TSPAN15: variants seen among roughly 807,000 people sequenced by gnomAD.
TSPAN15 encodes tetraspanin-15.
TSPAN15 carries 20 observed loss-of-function variants against 34.5 expected under a neutral mutation model. The ratio of observed to expected loss-of-function variants is 0.58; its 90% confidence interval spans 0.41 to 0.84. The LOEUF is 0.84. Ranked by LOEUF, TSPAN15 falls within the 40% of genes least tolerant of loss-of-function variation. The pLI is 0.00. For synonymous variants in TSPAN15, 155 were observed against 153.9 expected (o/e 1.01, Z -0.05); for missense variants, 313 against 386.1 (o/e 0.81, Z 1.59).
At chr10:69,473,045 T>C (rs1008624459) in intron 1 of TSPAN15, among the ~76,000 whole-genome samples, 1 of 152,240 alleles carries the variant, frequency 6.6e-6, no homozygotes, top group Non-Finnish European at 1.5e-5. Flanking sequence ...TAGTTAATAC[T>C]CTCAATATCA....
At chr10:69,476,489 C>T (rs896560703) in intron 1 of TSPAN15, among the ~76,000 whole-genome samples, 5 of 150,312 alleles carry the variant, frequency 3.3e-5, no homozygotes, top group African/African-American at 9.8e-5. Flanking sequence ...CTCAGGAGAT[C>T]GAGGCTGCAG....
At chr10:69,542,269 T>G in the TSPAN15 span, among the ~76,000 whole-genome samples, 1 of 152,172 alleles carries the variant, frequency 6.6e-6, no homozygotes, top group African/African-American at 2.4e-5. Context: ...CAGCCTGGAC[T>G]TCATTGTCCA....
At chr10:69,530,806 CTCTCTCTCTCTCTCTATA>C in the TSPAN15 span, among the ~76,000 whole-genome samples, 30 of 69,046 alleles carry the variant, frequency 4.3e-4, no homozygotes, top group Non-Finnish European at 6.2e-4. Flanking sequence ...CTCTCTCTCT[CTCTCTCTCTCTCTCTATA>C]TATATATATA....
intron 3 of TSPAN15, among the ~76,000 whole-genome samples, chr10:69,493,435 C>T (rs1004233040): frequency 6.6e-6 from 1 of 150,524 alleles, no homozygotes; most frequent in African/African-American, 2.5e-5. Flanking sequence ...GACTTTCCTT[C>T]TGGCCACGAA....
chr10:69,521,501 G>A, the TSPAN15 span, among the ~76,000 whole-genome samples: 1 of 147,788 alleles, frequency 6.8e-6, no homozygotes, highest in East Asian at 2.5e-4. Flanking sequence ...ACAAAAATTA[G>A]CCAGGCGTGG....
Position 69,499,762 on chromosome 10 carries a change from C to T in TSPAN15, c.570+1366C>T, listed in dbSNP as rs570965302. Among the ~76,000 whole-genome samples, 4 of 152,178 alleles carry T rather than the reference C, an allele frequency of 2.6e-5. No individual in the cohort carries two copies. The South Asian group carries it at 6.2e-4, about 24-fold the overall frequency. ...TTGCAGTTTGGGATACTGAGAAAGGCGGGATCTGGGTGAAGCTCTGAAGAA... is the reference window on the plus strand; with the variant it reads ...TTGCAGTTTGGGATACTGAGAAAGGTGGGATCTGGGTGAAGCTCTGAAGAA... On this transcript the variant is annotated intron_variant, in intron 5 of 7. Transcript: ENST00000373290.
chr10:69,468,415 CGAGA>C (rs1200989521), intron 1 of TSPAN15, among the ~76,000 whole-genome samples: 5 of 151,592 alleles, frequency 3.3e-5, no homozygotes, highest in Non-Finnish European at 7.4e-5. Context: ...GGGGTAGGGC[CGAGA>C]GAGCTCCCTT....
At chr10:69,487,909 G>A (rs1166271062) in intron 3 of TSPAN15, among the ~76,000 whole-genome samples, 2 of 152,204 alleles carry the variant, frequency 1.3e-5, no homozygotes, top group African/African-American at 4.8e-5. Flanking sequence ...TCCCCTCATG[G>A]GTAGGGCCTT....
intron 6 of TSPAN15, among the ~76,000 whole-genome samples, chr10:69,504,851 T>C (rs1419423194): frequency 2.0e-5 from 3 of 152,166 alleles, no homozygotes; most frequent in Non-Finnish European, 4.4e-5. Context: ...TAGAGGATGG[T>C]AACCCCCTCT....
At position 69,507,581 on chromosome 10, in the gene TSPAN15, C is replaced by A. The variant is rs1194125669; in HGVS notation, c.*603C>A. ...AACAGGAGTTTCTGACTAATCAAAG[C>A]TGGTATTTCCCCGCATGTCTTATTC... On this transcript the variant is annotated 3_prime_UTR_variant, in exon 8 of 8. Transcript: ENST00000373290. 1 of 1,303,440 alleles carries A rather than the reference C, an allele frequency of 7.7e-7. No individual in the cohort carries two copies. The highest frequency in any genetic ancestry group is 1.0e-6 in the Non-Finnish European group (1 of 988,880). 80.7% of individuals were successfully genotyped at this position (1,303,440 alleles called of 1,614,324 possible).
chr10:69,526,904 A>G, the TSPAN15 span, among the ~76,000 whole-genome samples: 2 of 147,850 alleles, frequency 1.4e-5, no homozygotes, highest in Non-Finnish European at 3.0e-5. Flanking sequence ...CACTCTGAAA[A>G]ACAGTCTGGC....
chr10:69,468,364 A>G (rs10998804), intron 1 of TSPAN15, among the ~76,000 whole-genome samples: 58,415 of 151,814 alleles, frequency 0.38, 11,894 homozygotes, highest in Non-Finnish European at 0.45. Flanking sequence ...TGTGTAGGGC[A>G]GTGGCTCTTT....
At chr10:69,483,082 G>C (rs1174387180) in intron 1 of TSPAN15, among the ~76,000 whole-genome samples, 2 of 152,060 alleles carry the variant, frequency 1.3e-5, no homozygotes, top group Non-Finnish European at 1.5e-5. Context: ...TCCACCTCCT[G>C]GGTTCACGCC....
chr10:69,539,404 G>T, the TSPAN15 span, among the ~76,000 whole-genome samples: 15 of 128,018 alleles, frequency 1.2e-4, 1 homozygote, highest in Middle Eastern at 3.9e-3. Context: ...GGAAGAAGAG[G>T]AAGAGGAAGA....
At chr10:69,465,847 C>T (rs1841372867) in intron 1 of TSPAN15, among the ~76,000 whole-genome samples, 1 of 129,200 alleles carries the variant, frequency 7.7e-6, no homozygotes, top group African/African-American at 2.7e-5. Context: ...GGCATGAGGG[C>T]ATCTCTGATC....
chr10:69,488,349 G>A (rs1256500149), intron 3 of TSPAN15, among the ~76,000 whole-genome samples: 3 of 152,160 alleles, frequency 2.0e-5, no homozygotes, highest in East Asian at 3.9e-4. Context: ...AAGGTGAGGA[G>A]CAATCAAGGT....
At chr10:69,539,259 GA>G in the TSPAN15 span, among the ~76,000 whole-genome samples, 11 of 151,924 alleles carry the variant, frequency 7.2e-5, no homozygotes, top group African/African-American at 2.4e-4. Flanking sequence ...GAAAGGGTGG[GA>G]GGGGAGTGAG....
chr10:69,482,161 T>G (rs142134516), intron 1 of TSPAN15, among the ~76,000 whole-genome samples: 1 of 152,118 alleles, frequency 6.6e-6, no homozygotes, highest in East Asian at 1.9e-4. Flanking sequence ...GATCAGGAGT[T>G]TCATGGGGAG....
intron 5 of TSPAN15, among the ~76,000 whole-genome samples, chr10:69,502,731 C>T (rs923553096): frequency 6.6e-6 from 1 of 152,094 alleles, no homozygotes; most frequent in Non-Finnish European, 1.5e-5. Flanking sequence ...AGGTGAGTCC[C>T]CCCTGGGCCT....
Sources: allele counts gnomAD v4.1 joint callset (sites outside exome capture counted in the v4.1 genomes callset), GRCh38; gene constraint gnomAD v4.1.1; transcripts MANE v1.5; gene names NCBI Gene and HGNC (gene_info 2026-07-23, HGNC 2026-07-21).